TTC9: variants seen among roughly 807,000 people sequenced by gnomAD.
TTC9 encodes tetratricopeptide repeat domain 9, also known as tetratricopeptide repeat protein 9A.
TTC9 carries 13 observed loss-of-function variants against 22.9 expected under a neutral mutation model. That is an observed-to-expected ratio of 0.57 (90% CI 0.37 to 0.90). The LOEUF (loss-of-function observed/expected upper bound fraction) is 0.90. Ranked by LOEUF, TTC9 falls within the 40% of genes least tolerant of loss-of-function variation. TTC9 has a pLI of 0.01. For missense variants in TTC9, 280 were observed against 291.8 expected, an observed-to-expected ratio of 0.96 and a Z score of 0.29; for synonymous variants, 148 against 133.2, an observed-to-expected ratio of 1.11 and a Z score of -0.77.
chr14:70,667,372 A>G lies in TTC9; in HGVS notation c.407-192A>G, dbSNP rs573750465. Among the ~76,000 whole-genome samples the G allele has an allele frequency of 3.9e-5, 6 of 152,352 alleles. No homozygotes were observed. The South Asian group carries it at 1.2e-3, about 32-fold the overall frequency. On this transcript the variant is annotated intron_variant, in intron 1 of 2. Coordinates refer to ENST00000256367, the MANE Select transcript of TTC9 (RefSeq NM_015351.2). ...AATACAAGGTTAAGTGACTTGCTCA[A>G]GCCTTGTTAACATGGCTTTTTAGTG...
chr14:70,665,641 C>G (rs961012557), intron 1 of TTC9, among the ~76,000 whole-genome samples: 3 of 152,228 alleles, frequency 2.0e-5, no homozygotes, highest in Non-Finnish European at 4.4e-5. Flanking sequence ...TGGGCTGATT[C>G]TCTTTCACTT....
At chr14:70,649,029 G>A (rs141625225) in intron 1 of TTC9, among the ~76,000 whole-genome samples, 83 of 152,246 alleles carry the variant, frequency 5.5e-4, no homozygotes, top group Non-Finnish European at 1.1e-3. Context: ...TCAGAATTTT[G>A]ATTTTGGATT....
intron 1 of TTC9, among the ~76,000 whole-genome samples, chr14:70,644,532 C>T (rs1308729405): frequency 6.6e-6 from 1 of 152,144 alleles, no homozygotes; most frequent in Non-Finnish European, 1.5e-5. Context: ...CCATTCTTCT[C>T]CAAAGGCAAT....
chr14:70,652,336 G>A (rs957555720), intron 1 of TTC9, among the ~76,000 whole-genome samples: 8 of 152,176 alleles, frequency 5.3e-5, no homozygotes, highest in South Asian at 2.1e-4. Context: ...CCAAATGGAC[G>A]TCAAAGCCTC....
At chr14:70,649,765 C>A (rs1398387819) in intron 1 of TTC9, among the ~76,000 whole-genome samples, 1 of 152,228 alleles carries the variant, frequency 6.6e-6, no homozygotes, top group Non-Finnish European at 1.5e-5. Flanking sequence ...AACTCTCTTG[C>A]CCATCTTCCA....
At chr14:70,667,828 C>A in intron 2 of TTC9, 82 bp downstream of exon 2, 1 of 1,424,950 alleles carries the variant, frequency 7.0e-7, no homozygotes, top group Non-Finnish European at 9.5e-7. Context: ...GTTTTCTTGG[C>A]TAGGAGGGCC....
chr14:70,651,171 G>A (rs1290935189), intron 1 of TTC9, among the ~76,000 whole-genome samples: 3 of 152,148 alleles, frequency 2.0e-5, no homozygotes, highest in African/African-American at 7.2e-5. Flanking sequence ...TAGTAGAGAT[G>A]GGGTTTCGCT....
At position 70,671,489 on chromosome 14, in the gene TTC9, G is replaced by GCACTT. The variant is rs1388145891; in HGVS notation, c.*334_*335insCACTT. The GCACTT allele has an allele frequency of 3.8e-6, 1 of 260,180 alleles. No homozygotes were observed. Among genetic ancestry groups the GCACTT allele is most frequent in the African/African-American group, 2.2e-5 (1 of 44,948 alleles). 16.1% of individuals were successfully genotyped at this position (260,180 alleles called of 1,614,324 possible). On this transcript the variant is annotated 3_prime_UTR_variant, in exon 3 of 3. Coordinates refer to ENST00000256367, the MANE Select transcript of TTC9 (RefSeq NM_015351.2). Reference sequence around the variant, plus strand: ...GACTTTGGCCAGTGCTTCTGACAGAGGCGGAGCCTGGCAAGTGTACCATCC... The same window carrying GCACTT: ...GACTTTGGCCAGTGCTTCTGACAGAGCACTTGCGGAGCCTGGCAAGTGTACCATCC...
At chr14:70,669,793 C>CT (rs1886267062) in intron 2 of TTC9, among the ~76,000 whole-genome samples, 1 of 152,126 alleles carries the variant, frequency 6.6e-6, no homozygotes, top group Non-Finnish European at 1.5e-5. Flanking sequence ...TGGAGCACTG[C>CT]TATCTGCCAG....
chr14:70,671,956 A>T lies in TTC9; in HGVS notation c.*801A>T, dbSNP rs1886303281. 6.6e-6 allele frequency: 1 copy of T among 152,426 alleles called. No homozygotes were observed. The highest frequency in any genetic ancestry group is 1.5e-5 in the Non-Finnish European group (1 of 68,230). 9.4% of individuals were successfully genotyped at this position (152,426 alleles called of 1,614,324 possible). On this transcript the variant is annotated 3_prime_UTR_variant, in exon 3 of 3. Transcript: ENST00000256367. Reference sequence around the variant, plus strand: ...GGAGGGAAAGATGATGGCCAGGGGAAAGAGCATCGTATAGGCTAGGGGATT... The same window carrying T: ...GGAGGGAAAGATGATGGCCAGGGGATAGAGCATCGTATAGGCTAGGGGATT...
intron 1 of TTC9, among the ~76,000 whole-genome samples, chr14:70,660,771 T>C (rs1206577619): frequency 6.6e-6 from 1 of 152,228 alleles, no homozygotes; most frequent in East Asian, 1.9e-4. Context: ...ATACCAGTCA[T>C]TCAATATTCT....
At position 70,675,005 on chromosome 14, in the gene TTC9, G is replaced by T. The variant is rs529367746; in HGVS notation, c.*3850G>T. On this transcript the variant is annotated 3_prime_UTR_variant, in exon 3 of 3. Transcript: ENST00000256367. ...TTGCCAACCACCCTCCAGAAAGTTT[G>T]TACCAAAACGCTCTCCTATTTGGAT... 6.6e-6 allele frequency: 1 copy of T among 152,254 alleles called. No individual in the cohort carries two copies. The highest frequency in any genetic ancestry group is 2.1e-4 in the South Asian group (1 of 4,830). 9.4% of individuals were successfully genotyped at this position (152,254 alleles called of 1,614,324 possible). A position where few individuals can be genotyped will look rare whatever the true frequency, so the allele number is the denominator to read the frequency against.
In TTC9 at chr14:70,672,630, GAC is replaced by G. The variant is rs1886313350; in HGVS notation, c.*1477_*1478del. 6.6e-6 allele frequency: 1 copy of G among 152,186 alleles called. No homozygotes were observed. The highest frequency in any genetic ancestry group is 1.5e-5 in the Non-Finnish European group (1 of 68,028). 9.4% of individuals were successfully genotyped at this position (152,186 alleles called of 1,614,324 possible). ...TATTTTTCGTGTGACTAGTGAAAAA[GAC>G]AATGTTGTACAAAATTAAAATATAT... is the stretch of plus-strand genomic sequence containing the variant. On this transcript the variant is annotated 3_prime_UTR_variant, in exon 3 of 3. Transcript: ENST00000256367.
At chr14:70,649,443 G>GTA (rs35454477) in intron 1 of TTC9, among the ~76,000 whole-genome samples, 35,561 of 151,962 alleles carry the variant, frequency 0.23, 4,873 homozygotes, top group East Asian at 0.48. Context: ...ATGAACTTAT[G>GTA]TATATATAAT....
chr14:70,667,418 T>C, intron 1 of TTC9, 146 bp from the exon 2 acceptor site: 1 of 804,504 alleles, frequency 1.2e-6, no homozygotes, highest in Non-Finnish European at 1.9e-6. Context: ...TCAGGGAGGC[T>C]AGGATTATTG....
intron 1 of TTC9, among the ~76,000 whole-genome samples, chr14:70,645,552 T>TTA (rs1175084855): frequency 6.6e-6 from 1 of 152,232 alleles, no homozygotes; most frequent in Non-Finnish European, 1.5e-5. Flanking sequence ...ACATGTGTAT[T>TTA]TATACTTCTC....
intron 1 of TTC9, among the ~76,000 whole-genome samples, chr14:70,644,065 T>C (rs1337747328): frequency 2.0e-5 from 3 of 152,196 alleles, no homozygotes; most frequent in African/African-American, 7.2e-5. Context: ...AGAGCAGCCA[T>C]GGGTGGAGGA....
intron 1 of TTC9, 24 bp downstream of exon 1, chr14:70,642,559 G>T (rs3742852): frequency 0.38 from 574,860 of 1,521,752 alleles, 112,808 homozygotes; most frequent in East Asian, 0.72. Flanking sequence ...CGCCCCCCGC[G>T]CCGCGGTCCC....
chr14:70,657,701 C>G (rs1000048408), intron 1 of TTC9, among the ~76,000 whole-genome samples: 1 of 152,138 alleles, frequency 6.6e-6, no homozygotes, highest in Non-Finnish European at 1.5e-5. Flanking sequence ...CACGGTGGCT[C>G]ACACCTGTAA....
Sources: gnomAD v4.1 joint callset for allele counts (sites outside exome capture counted in the v4.1 genomes callset) on GRCh38, gnomAD v4.1.1 for gene constraint, MANE v1.5 for transcripts, NCBI Gene and HGNC (gene_info 2026-07-23, HGNC 2026-07-21) for gene names.